Variants in ORC5 observed in about 807,000 individuals in gnomAD.
ORC5 encodes the protein protein phosphatase 1, regulatory subunit 117.
Under a neutral mutation model 58.8 loss-of-function variants are expected in ORC5, and 39 were observed. The ratio of observed to expected loss-of-function variants is 0.66; its 90% CI spans 0.51 to 0.87. The LOEUF (loss-of-function observed/expected upper bound fraction) is 0.87. ORC5 is among the 40% of genes least tolerant of loss of function. The probability of loss-of-function intolerance (pLI) is 0.00; values close to 1 mark genes in which losing one functional copy is unlikely to be tolerated. For missense variants in ORC5, 493 were observed against 506.3 expected, an observed-to-expected ratio of 0.97 and a Z score of 0.25; for synonymous variants, 218 against 177.6, an observed-to-expected ratio of 1.23 and a Z score of -1.81.
intron 8 of ORC5, among the ~76,000 whole-genome samples, chr7:104,170,990 C>G (rs1290459123): frequency 6.6e-6 from 1 of 152,014 alleles, no homozygotes; most frequent in Non-Finnish European, 1.5e-5. Context: ...AATCTACTTT[C>G]CTTTGGATAT....
chr7:104,148,103 T>C (rs994300320), intron 12 of ORC5, among the ~76,000 whole-genome samples: 2 of 152,196 alleles, frequency 1.3e-5, no homozygotes, highest in Non-Finnish European at 2.9e-5. Context: ...GTGTCCAGGC[T>C]CTGTGACAGA....
rs1198895882 is a variant in ORC5 at position 104,126,444 on chromosome 7, T to A, written c.*404A>T. ...TTTGGCAAGCGACTGCAGAGGCTCCTGTGGAGAGGAAGTGAAAAGAATGGG... is the reference window on the plus strand; with the variant it reads ...TTTGGCAAGCGACTGCAGAGGCTCCAGTGGAGAGGAAGTGAAAAGAATGGG... On this transcript the variant is annotated 3_prime_UTR_variant, in exon 14 of 14. Transcript: ENST00000297431. 1 of 161,342 alleles carries A rather than the reference T, an allele frequency of 6.2e-6. No homozygotes were observed. Among genetic ancestry groups the A allele is most frequent in the Non-Finnish European group, 1.4e-5 (1 of 74,072 alleles). The allele number at this position is 161,342 out of a possible 1,614,324, so 10.0% of individuals were successfully genotyped here.
In ORC5 at chr7:104,137,400, G is replaced by A. The variant is rs186356830; in HGVS notation, c.1150-507C>T. On this transcript the variant is annotated intron_variant, in intron 12 of 13. Transcript: ENST00000297431. Reference sequence around the variant, plus strand: ...CCCAAAGGGTCGGTGATACAGGAGGGGGGCAGGGAAGTGCTGGGCAGAGAA... The same window carrying A: ...CCCAAAGGGTCGGTGATACAGGAGGAGGGCAGGGAAGTGCTGGGCAGAGAA... Among the ~76,000 whole-genome samples the A allele has an allele frequency of 3.9e-5, 6 of 152,214 alleles. No individual in the cohort carries two copies. The East Asian group carries it at 9.6e-4, about 24-fold the overall frequency.
chr7:104,173,964 C>T (rs1006183213), intron 8 of ORC5, among the ~76,000 whole-genome samples: 5 of 149,916 alleles, frequency 3.3e-5, no homozygotes, highest in Non-Finnish European at 7.4e-5. Context: ...CCTGCCTCAG[C>T]CTCCCAAGTA....
intron 2 of ORC5, chr7:104,202,471 T>C (rs374125271): frequency 7.7e-5 from 35 of 453,298 alleles, no homozygotes; most frequent in African/African-American, 7.0e-4. Context: ...CTGTTATGAA[T>C]AGTGTCTTGC....
chr7:104,182,986 T>C (rs751362268), intron 8 of ORC5, among the ~76,000 whole-genome samples: 1 of 151,930 alleles, frequency 6.6e-6, no homozygotes, highest in Non-Finnish European at 1.5e-5. Context: ...AATACAAAAA[T>C]TAGTCGGGCA....
chr7:104,180,547 A>C (rs1799412142), intron 8 of ORC5, among the ~76,000 whole-genome samples: 1 of 151,942 alleles, frequency 6.6e-6, no homozygotes, highest in Non-Finnish European at 1.5e-5. Flanking sequence ...TCTTTGATAG[A>C]CCTCCCTCCC....
At position 104,126,814 on chromosome 7, in the gene ORC5, T is replaced by C; in HGVS notation, c.*34A>G. The C allele has an allele frequency of 1.3e-6, 2 of 1,535,350 alleles. No individual in the cohort carries two copies. Among genetic ancestry groups the C allele is most frequent in the South Asian group, 1.1e-5 (1 of 87,430 alleles). On this transcript the variant is annotated 3_prime_UTR_variant, in exon 14 of 14. Coordinates refer to ENST00000297431, the MANE Select transcript of ORC5 (RefSeq NM_002553.4). Reference sequence around the variant, plus strand: ...GATGAACACAGCTTGGCTTAGTCATTGTCACAGTGTCCATATGGCTTTGAA... The same window carrying C: ...GATGAACACAGCTTGGCTTAGTCATCGTCACAGTGTCCATATGGCTTTGAA...
intron 5 of ORC5, among the ~76,000 whole-genome samples, chr7:104,190,847 G>A (rs60431768): frequency 6.6e-6 from 1 of 151,782 alleles, no homozygotes; most frequent in Non-Finnish European, 1.5e-5. Flanking sequence ...CAGTAAGTTA[G>A]TATTTTTAGC....
intron 3 of ORC5, among the ~76,000 whole-genome samples, chr7:104,198,195 T>C (rs1799847735): frequency 6.6e-6 from 1 of 152,178 alleles, no homozygotes; most frequent in Non-Finnish European, 1.5e-5. Flanking sequence ...TCTTTATAAA[T>C]TACCCAGTCC....
At chr7:104,189,947 G>A (rs1247942077) in intron 5 of ORC5, among the ~76,000 whole-genome samples, 2 of 152,066 alleles carry the variant, frequency 1.3e-5, no homozygotes, top group Non-Finnish European at 2.9e-5. Context: ...ATTCTTGTAG[G>A]ACTAAGCCCT....
At chr7:104,152,803 T>C (rs74720732) in intron 12 of ORC5, among the ~76,000 whole-genome samples, 2,267 of 152,274 alleles carry the variant, frequency 0.015, 59 homozygotes, top group African/African-American at 0.052. Context: ...TTATAAAATA[T>C]TGCCCACAAA....
chr7:104,148,022 T>C (rs1798789098), intron 12 of ORC5, among the ~76,000 whole-genome samples: 1 of 152,156 alleles, frequency 6.6e-6, no homozygotes, highest in Admixed American at 6.5e-5. Flanking sequence ...CAGGGAAAGA[T>C]AGCTATAGGA....
intron 13 of ORC5, among the ~76,000 whole-genome samples, chr7:104,128,754 C>T (rs1049401977): frequency 4.8e-4 from 70 of 147,256 alleles, no homozygotes; most frequent in African/African-American, 1.8e-3. Context: ...CAGTTCCCAC[C>T]TATAGACTAC....
intron 5 of ORC5, 132 bp from the exon 6 acceptor site, chr7:104,188,513 T>C: frequency 1.7e-6 from 1 of 586,806 alleles, no homozygotes; most frequent in Non-Finnish European, 2.9e-6. Flanking sequence ...ATAAAACTAT[T>C]ACAAGATTAG....
At chr7:104,180,077 G>C (rs1057423943) in intron 8 of ORC5, among the ~76,000 whole-genome samples, 5 of 152,160 alleles carry the variant, frequency 3.3e-5, no homozygotes, top group Non-Finnish European at 7.4e-5. Flanking sequence ...AACCAGAAAA[G>C]TTCCCATGCT....
At chr7:104,151,825 G>T (rs1798851907) in intron 12 of ORC5, among the ~76,000 whole-genome samples, 1 of 152,166 alleles carries the variant, frequency 6.6e-6, no homozygotes, top group African/African-American at 2.4e-5. Context: ...GGTAAATCTA[G>T]TTCCCTTTCT....
rs766936316 is a variant in ORC5, at chr7:104,184,174, G to A, written c.685-3C>T. The stretch of plus-strand genomic sequence containing the variant: ...TATTTAGGAAAATTAAGTACTGCCT[G>A]TAAGTAAAGAAAAAAAAAGAGAAGA... On this transcript the variant is annotated splice_polypyrimidine_tract_variant and splice_region_variant and intron_variant, in intron 6 of 13. Transcript: ENST00000297431. The A allele has an allele frequency of 7.2e-6, 11 of 1,518,052 alleles. No homozygotes were observed. The highest frequency in any genetic ancestry group is 9.0e-6 in the Non-Finnish European group (10 of 1,115,596). The allele number at this position is 1,518,052 out of a possible 1,614,324, so 94.0% of individuals were successfully genotyped here. A position where few individuals can be genotyped will look rare whatever the true frequency, so the allele number is the denominator to read the frequency against.
chr7:104,172,779 A>G (rs79230445), intron 8 of ORC5, among the ~76,000 whole-genome samples: 1 of 152,214 alleles, frequency 6.6e-6, no homozygotes, highest in East Asian at 1.9e-4. Flanking sequence ...CTGAGCTGGA[A>G]GTCAAAATCA....
Sources: gnomAD v4.1 joint callset for allele counts (sites outside exome capture counted in the v4.1 genomes callset) on GRCh38, gnomAD v4.1.1 for gene constraint, MANE v1.5 for transcripts, NCBI Gene and HGNC (gene_info 2026-07-23, HGNC 2026-07-21) for gene names.